RPS6KA5: variants seen among roughly 807,000 people sequenced by gnomAD.
RPS6KA5 encodes the protein ribosomal protein S6 kinase alpha-5.
A neutral mutation model predicts 85.5 loss-of-function variants in RPS6KA5; 27 were observed. The observed-to-expected ratio is 0.32, with a 90% confidence interval of 0.23 to 0.44. The LOEUF is 0.44. RPS6KA5 is among the 20% of genes least tolerant of loss of function. RPS6KA5 has a pLI of 1.00. For missense variants in RPS6KA5, 811 were observed against 980.9 expected (o/e 0.83, Z 2.31); for synonymous variants, 334 against 348.2 (o/e 0.96, Z 0.46).
chr14:90,935,615 G>T (rs1356067588), intron 5 of RPS6KA5, among the ~76,000 whole-genome samples: 3 of 152,100 alleles, frequency 2.0e-5, no homozygotes, highest in East Asian at 3.8e-4. Context: ...ATTGTCCAAA[G>T]AATTAATCAA....
At chr14:90,920,112 T>C in intron 7 of RPS6KA5, 94 bp downstream of exon 7, 1 of 838,910 alleles carries the variant, frequency 1.2e-6, no homozygotes, top group Non-Finnish European at 2.1e-6. Flanking sequence ...CTATCCTCAT[T>C]TTAAAAAATT....
At chr14:90,979,408 T>C (rs1203916501) in intron 2 of RPS6KA5, among the ~76,000 whole-genome samples, 1 of 152,262 alleles carries the variant, frequency 6.6e-6, no homozygotes, top group Non-Finnish European at 1.5e-5. Flanking sequence ...AGTTAATCTG[T>C]TTAAAAAGGC....
rs529533535 is a variant in RPS6KA5, at chr14:90,851,993, A to G, written c.*20081T>C. On this transcript the variant is annotated 3_prime_UTR_variant, in exon 17 of 17. Coordinates refer to ENST00000614987, the MANE Select transcript of RPS6KA5 (RefSeq NM_004755.4). ...TATTCGTTGATCTAAAGAAATAAAC[A>G]GTATTATTCAGTAATAGTCCTAGTA... 10 of 152,112 alleles carry G rather than the reference A, an allele frequency of 6.6e-5. No individual in the cohort carries two copies. Among genetic ancestry groups the G allele is most frequent in the African/African-American group, 2.2e-4 (9 of 41,538 alleles). The allele number at this position is 152,112 out of a possible 1,614,324, so 9.4% of individuals were successfully genotyped here. A position where few individuals can be genotyped will look rare whatever the true frequency, so the allele number is the denominator to read the frequency against.
intron 1 of RPS6KA5, among the ~76,000 whole-genome samples, chr14:91,003,897 T>C (rs2040891444): frequency 6.6e-6 from 1 of 152,170 alleles, no homozygotes; most frequent in African/African-American, 2.4e-5. Context: ...TGCTTAAGAA[T>C]GGCAAGATTC....
At chr14:90,953,329 T>A (rs1330669868) in intron 3 of RPS6KA5, among the ~76,000 whole-genome samples, 1 of 152,246 alleles carries the variant, frequency 6.6e-6, no homozygotes, top group Admixed American at 6.5e-5. Context: ...TATAATTTCT[T>A]ATACGTGTCT....
chr14:90,949,448 T>G (rs539367196), intron 3 of RPS6KA5, among the ~76,000 whole-genome samples: 2 of 152,348 alleles, frequency 1.3e-5, no homozygotes, highest in African/African-American at 4.8e-5. Flanking sequence ...ATTAATATAT[T>G]CATTACTATT....
intron 2 of RPS6KA5, among the ~76,000 whole-genome samples, chr14:90,983,017 G>T (rs563173092): frequency 6.6e-6 from 1 of 152,024 alleles, no homozygotes; most frequent in Admixed American, 6.5e-5. Context: ...GGAGGCTGAC[G>T]CAGGAGGATG....
Position 90,861,597 on chromosome 14 carries a change from A to G in RPS6KA5, c.*10477T>C, listed in dbSNP as rs1260280897. 1 of 151,894 alleles carries G rather than the reference A, an allele frequency of 6.6e-6. No homozygotes were observed. Among genetic ancestry groups the G allele is most frequent in the Non-Finnish European group, 1.5e-5 (1 of 68,002 alleles). The allele number at this position is 151,894 out of a possible 1,614,324, so 9.4% of individuals were successfully genotyped here. A position where few individuals can be genotyped will look rare whatever the true frequency, so the allele number is the denominator to read the frequency against. ...AAAACATACATAGAATGTAGAAGTA[A>G]AATACATGACAACAATAACATAAAA... On this transcript the variant is annotated 3_prime_UTR_variant, in exon 17 of 17. Coordinates refer to ENST00000614987, the MANE Select transcript of RPS6KA5 (RefSeq NM_004755.4).
intron 9 of RPS6KA5, among the ~76,000 whole-genome samples, chr14:90,901,715 T>A (rs994810125): frequency 9.8e-5 from 15 of 152,360 alleles, no homozygotes; most frequent in Admixed American, 9.1e-4. Context: ...ACTAAAGGTA[T>A]ACTTATAGAA....
chr14:90,996,880 A>T (rs867589427), intron 2 of RPS6KA5, among the ~76,000 whole-genome samples: 1 of 152,194 alleles, frequency 6.6e-6, no homozygotes, highest in Non-Finnish European at 1.5e-5. Flanking sequence ...ATATTTGAGA[A>T]ACTGCTATGC....
At chr14:90,962,848 A>C (rs1169604089) in intron 3 of RPS6KA5, among the ~76,000 whole-genome samples, 1 of 152,126 alleles carries the variant, frequency 6.6e-6, no homozygotes, top group Non-Finnish European at 1.5e-5. Flanking sequence ...GAACCAGCTG[A>C]GAATACGTTG....
intron 7 of RPS6KA5, among the ~76,000 whole-genome samples, chr14:90,910,694 T>A (rs1985146): frequency 0.55 from 82,441 of 149,196 alleles, 24,174 homozygotes; most frequent in East Asian, 0.72. Flanking sequence ...TATTTTTTTT[T>A]TTTTTTTTTG....
At chr14:90,975,286 A>C (rs945993657) in intron 3 of RPS6KA5, among the ~76,000 whole-genome samples, 5 of 152,222 alleles carry the variant, frequency 3.3e-5, no homozygotes, top group Admixed American at 2.6e-4. Flanking sequence ...AATACCTCAC[A>C]AAAAGCTGGA....
intron 3 of RPS6KA5, among the ~76,000 whole-genome samples, chr14:90,968,724 A>T (rs1244375146): frequency 6.6e-6 from 1 of 152,228 alleles, no homozygotes; most frequent in Non-Finnish European, 1.5e-5. Context: ...TCTATGGATC[A>T]GCCCAAATTG....
chr14:90,890,467 C>T lies in RPS6KA5; in HGVS notation c.1836+20G>A. On this transcript the variant is annotated intron_variant, in intron 14 of 16. Transcript: ENST00000614987. Reference sequence around the variant, plus strand: ...CCAAAGAAATAAGCAGGTTTAATGACTGTATTGAAAAGAACTCACCAAAAT... The same window carrying T: ...CCAAAGAAATAAGCAGGTTTAATGATTGTATTGAAAAGAACTCACCAAAAT... 6.3e-7 allele frequency: 1 copy of T among 1,577,044 alleles called. No individual in the cohort carries two copies. The highest frequency in any genetic ancestry group is 1.1e-5 in the South Asian group (1 of 87,846).
At chr14:91,035,717 G>T (rs1444875585) in intron 1 of RPS6KA5, among the ~76,000 whole-genome samples, 1 of 151,804 alleles carries the variant, frequency 6.6e-6, no homozygotes, top group Non-Finnish European at 1.5e-5. Context: ...ACAGGAGGGG[G>T]CTATGGAATG....
chr14:90,970,963 G>C (rs1172999401), intron 3 of RPS6KA5, among the ~76,000 whole-genome samples: 1 of 151,796 alleles, frequency 6.6e-6, no homozygotes, highest in Admixed American at 6.6e-5. Context: ...TAAAGCAGGG[G>C]TCAACAAATT....
chr14:90,990,831 C>T (rs1401921500), intron 2 of RPS6KA5, among the ~76,000 whole-genome samples: 1 of 151,948 alleles, frequency 6.6e-6, no homozygotes, highest in Admixed American at 6.6e-5. Context: ...ATATTGAGTA[C>T]ACATGGAAAT....
intron 2 of RPS6KA5, among the ~76,000 whole-genome samples, chr14:90,997,160 CT>C (rs1327107721): frequency 6.6e-5 from 10 of 152,162 alleles, no homozygotes; most frequent in African/African-American, 2.4e-4. Context: ...ATTCAGATTT[CT>C]TCCTGTTTTA....
Sources: gnomAD v4.1 joint callset for allele counts (sites outside exome capture counted in the v4.1 genomes callset) on GRCh38, gnomAD v4.1.1 for gene constraint, MANE v1.5 for transcripts, NCBI Gene and HGNC (gene_info 2026-07-23, HGNC 2026-07-21) for gene names.